The following IQSEC1 variants were observed in gnomAD, a reference collection of about 807,000 sequenced individuals.
The protein encoded by IQSEC1 is IQ motif and SEC7 domain-containing protein 1.
IQSEC1 carries 31 observed loss-of-function variants against 91.0 expected under a neutral mutation model. The ratio of observed to expected loss-of-function variants is 0.34; its 90% CI spans 0.26 to 0.46. The LOEUF is 0.46. Among genes scored for constraint, IQSEC1 ranks in the 20% least tolerant of loss-of-function variants. IQSEC1 has a pLI of 1.00. For synonymous variants in IQSEC1, 699 were observed against 662.6 expected (o/e 1.05, Z -0.84); for missense variants, 1,388 against 1,575.6 (o/e 0.88, Z 2.02).
At position 12,935,609 on chromosome 3, in the gene IQSEC1, G is replaced by C. The variant is rs148022111; in HGVS notation, c.1407C>G (p.Ile469Met). Residue 469 changes from isoleucine (I) to methionine (M), a missense_variant, in exon 3 of 14, where the codon ATC becomes ATG. This residue lies in a region of IQSEC1 where 1,059 missense variants were observed against 1,317.8 expected (regional missense o/e 0.80). Transcript: ENST00000613206. This position sits in a 1 kb window ranked among gnomAD's most constrained non-coding sequence, Gnocchi z 8.0. ...INSTSNSNDT[I>M]NCSSESSSRD... Reference sequence around the variant, plus strand: ...GGGACGATGACTCGGAGCTGCAGTTGATGGTATCGTTGGAGTTGGACGTGC... The same window carrying C: ...GGGACGATGACTCGGAGCTGCAGTTCATGGTATCGTTGGAGTTGGACGTGC... 4.6e-4 allele frequency: 736 copies of C among 1,614,162 alleles called. 1 individual carries two copies. The highest frequency in any genetic ancestry group is 5.7e-4 in the Non-Finnish European group (676 of 1,180,036).
In IQSEC1 at chr3:12,922,437, C is replaced by T. The variant is rs1696719267; in HGVS notation, c.1731-195G>A. 6.6e-6 allele frequency among the ~76,000 whole-genome samples: 1 copy of T among 152,218 alleles called. No homozygotes were observed. Among genetic ancestry groups the T allele is most frequent in the Non-Finnish European group, 1.5e-5 (1 of 68,030 alleles). ...GACCTCCAGTCTTCTGGGGAGCCCA[C>T]AAAGCCCCTGGAACTGTAGGGAAGC... On this transcript the variant is annotated intron_variant, in intron 4 of 13. Transcript: ENST00000613206. The surrounding 1 kb of genome is among the most constrained non-coding windows in gnomAD (Gnocchi z 5.1).
chr3:13,181,207 C>T (rs1693837986), intron 1 of IQSEC1, among the ~76,000 whole-genome samples: 1 of 152,206 alleles, frequency 6.6e-6, no homozygotes, highest in Non-Finnish European at 1.5e-5. Flanking sequence ...GGAGGTGGAG[C>T]TTGCAGTGAG....
chr3:13,171,128 GC>G (rs1322778842), intron 1 of IQSEC1, among the ~76,000 whole-genome samples: 1 of 151,804 alleles, frequency 6.6e-6, no homozygotes, highest in Non-Finnish European at 1.5e-5. Flanking sequence ...AAAAAAGAAA[GC>G]CTTGTGCCCT....
chr3:12,919,481 C>T lies in IQSEC1; in HGVS notation c.2020+949G>A, dbSNP rs148077441. On this transcript the variant is annotated intron_variant, in intron 6 of 13. Transcript: ENST00000613206. ...CCGCCACCAGGGGAAGGGGAGGGCACCTGGAGACCCCGGAGTAGAGCTGGA... is the reference window on the plus strand; with the variant it reads ...CCGCCACCAGGGGAAGGGGAGGGCATCTGGAGACCCCGGAGTAGAGCTGGA... Among the ~76,000 whole-genome samples, 465 of 152,246 alleles carry T rather than the reference C, an allele frequency of 3.1e-3. 1 individual carries two copies. Among genetic ancestry groups the T allele is most frequent in the African/African-American group, 0.011 (441 of 41,536 alleles).
chr3:12,914,778 GACAGAGC>G (rs1695912313), intron 8 of IQSEC1, among the ~76,000 whole-genome samples: 1 of 151,994 alleles, frequency 6.6e-6, no homozygotes, highest in African/African-American at 2.4e-5. Flanking sequence ...GGATGTGGGG[GACAGAGC>G]ACAGAGCAGG....
intron 1 of IQSEC1, among the ~76,000 whole-genome samples, chr3:12,980,422 A>G (rs1353188244): frequency 6.6e-6 from 1 of 152,228 alleles, no homozygotes; most frequent in Non-Finnish European, 1.5e-5. Context: ...CATGATGAGC[A>G]TCCCTCATGC....
intron 1 of IQSEC1, among the ~76,000 whole-genome samples, chr3:13,221,787 G>C (rs931101920): frequency 1.3e-5 from 2 of 152,244 alleles, no homozygotes; most frequent in African/African-American, 2.4e-5. Flanking sequence ...CCACAAAACC[G>C]GGAACTCCCC....
intron 1 of IQSEC1, among the ~76,000 whole-genome samples, chr3:13,041,398 G>A (rs1704262401): frequency 6.6e-6 from 1 of 152,166 alleles, no homozygotes; most frequent in South Asian, 2.1e-4. Context: ...GCCCCCTTTG[G>A]AGAAAGCCCA....
chr3:13,057,563 G>A (rs1356915652), intron 1 of IQSEC1, among the ~76,000 whole-genome samples: 1 of 152,214 alleles, frequency 6.6e-6, no homozygotes, highest in Non-Finnish European at 1.5e-5. Context: ...AGTGAGTGGC[G>A]GGGAACACCC....
At chr3:13,081,998 C>T (rs1393153911) in intron 2 of IQSEC1, among the ~76,000 whole-genome samples, 4 of 152,210 alleles carry the variant, frequency 2.6e-5, no homozygotes, top group Non-Finnish European at 4.4e-5. Context: ...GCAGGGCCAC[C>T]GGGCAGCACG....
chr3:12,932,801 C>T (rs532352598), intron 3 of IQSEC1, among the ~76,000 whole-genome samples: 85 of 152,326 alleles, frequency 5.6e-4, no homozygotes, highest in African/African-American at 1.7e-3. Context: ...CCTGCCCTCC[C>T]GCAGCACCGC....
At chr3:13,088,767 C>T (rs1234375131) in intron 2 of IQSEC1, among the ~76,000 whole-genome samples, 1 of 152,238 alleles carries the variant, frequency 6.6e-6, no homozygotes, top group Non-Finnish European at 1.5e-5. Flanking sequence ...GCAGTTTCTC[C>T]AGCTCCAGCT....
intron 1 of IQSEC1, among the ~76,000 whole-genome samples, chr3:12,977,253 TGG>T (rs1013156386): frequency 3.3e-5 from 5 of 150,794 alleles, no homozygotes; most frequent in African/African-American, 9.8e-5. Flanking sequence ...GAGGTTGAGG[TGG>T]GAGGATCAGC....
At chr3:13,263,845 G>A (rs963794721) in intron 1 of IQSEC1, among the ~76,000 whole-genome samples, 5 of 152,138 alleles carry the variant, frequency 3.3e-5, no homozygotes, top group South Asian at 2.1e-4. Flanking sequence ...CGGGCTGGGC[G>A]CACGCTTGCT....
At chr3:13,095,947 T>C (rs1231052024) in intron 2 of IQSEC1, among the ~76,000 whole-genome samples, 2 of 152,154 alleles carry the variant, frequency 1.3e-5, no homozygotes, top group African/African-American at 4.8e-5. Context: ...ATTCCCTCAT[T>C]TGGAAGGCAT....
At chr3:13,122,427 G>A (rs750435741) in intron 2 of IQSEC1, among the ~76,000 whole-genome samples, 18 of 152,184 alleles carry the variant, frequency 1.2e-4, no homozygotes, top group Admixed American at 6.5e-5. Context: ...GGGCATGGAC[G>A]CAGTTGGGTT....
chr3:13,123,998 T>C (rs535815745), intron 2 of IQSEC1, among the ~76,000 whole-genome samples: 1 of 152,344 alleles, frequency 6.6e-6, no homozygotes, highest in Non-Finnish European at 1.5e-5. Flanking sequence ...TATGACAGCT[T>C]TGAGAACAAC....
chr3:13,142,222 G>A (rs954792847), intron 2 of IQSEC1, among the ~76,000 whole-genome samples: 5 of 152,338 alleles, frequency 3.3e-5, no homozygotes, highest in East Asian at 3.9e-4. Flanking sequence ...AGCGGGCTGC[G>A]GGAGTGCATT....
rs573773108 is a variant in IQSEC1 at position 12,911,544 on chromosome 3, C to T, written c.2416+85G>A. Reference sequence around the variant, plus strand: ...AACAGGGGTGAGCGTCGAAGCCCCCCGCGGTTCTGTCCTCGAAGCAGCCAG... The same window carrying T: ...AACAGGGGTGAGCGTCGAAGCCCCCTGCGGTTCTGTCCTCGAAGCAGCCAG... On this transcript the variant is annotated intron_variant, in intron 10 of 13. Coordinates refer to ENST00000613206, the MANE Select transcript of IQSEC1 (RefSeq NM_001134382.3). The T allele has an allele frequency of 3.2e-4, 324 of 1,009,102 alleles. 1 individual carries two copies. The African/African-American group carries it at 4.7e-3, about 15-fold the overall frequency. 62.5% of individuals were successfully genotyped at this position (1,009,102 alleles called of 1,614,324 possible).
Sources: allele counts gnomAD v4.1 joint callset (sites outside exome capture counted in the v4.1 genomes callset), GRCh38; gene constraint gnomAD v4.1.1; regional missense constraint gnomAD v4.1.1; non-coding constraint Gnocchi (gnomAD v3.1); transcripts MANE v1.5; gene names NCBI Gene and HGNC (gene_info 2026-07-23, HGNC 2026-07-21).